Variants in ABCD2 observed in about 807,000 individuals in gnomAD.
ABCD2 encodes ATP binding cassette subfamily D member 2.
ABCD2 carries 36 observed loss-of-function variants against 70.9 expected under a neutral mutation model. The ratio of observed to expected loss-of-function variants is 0.51; its 90% CI spans 0.39 to 0.67. The LOEUF (loss-of-function observed/expected upper bound fraction) is 0.67, where lower values mean the gene tolerates loss of function less well. Among genes scored for constraint, ABCD2 ranks in the 30% least tolerant of loss-of-function variants. The pLI is 0.00. For missense variants in ABCD2, 729 were observed against 890.2 expected (o/e 0.82, Z 2.30); for synonymous variants, 304 against 306.9 (o/e 0.99, Z 0.10).
intron 3 of ABCD2, 34 bp downstream of exon 3, chr12:39,607,564 AT>A (rs780815747): frequency 1.3e-5 from 20 of 1,484,082 alleles, no homozygotes; most frequent in Non-Finnish European, 1.9e-5. Flanking sequence ...CATAAATTTT[AT>A]TTTAATTGAA....
chr12:39,607,659 A>G lies in ABCD2; in HGVS notation c.1176T>C (p.Ala392=). Residue 392 remains alanine (A), a synonymous_variant, in exon 3 of 10, where the codon GCT becomes GCC. Transcript: ENST00000308666. ...CAGCTCCAGAGGCCAGTAAATTTCG[A>G]GCAGTGGTAAAGGCTTCTGTCCGTT... is the stretch of plus-strand genomic sequence containing the variant. The part of the protein sequence containing the change: ...VSERTEAFTT[A]RNLLASGADA... 6.2e-7 allele frequency: 1 copy of G among 1,613,712 alleles called. No homozygotes were observed. Among genetic ancestry groups the G allele is most frequent in the Non-Finnish European group, 8.5e-7 (1 of 1,179,868 alleles).
the ABCD2 span, among the ~76,000 whole-genome samples, chr12:39,536,988 A>G: frequency 7.2e-4 from 109 of 151,966 alleles, no homozygotes; most frequent in East Asian, 0.015. Flanking sequence ...TCCATTACCA[A>G]ATGTGCCTAA....
chr12:39,602,127 T>TTTTATTTATTTATTTATTTA (rs78767678), intron 5 of ABCD2, among the ~76,000 whole-genome samples: 9 of 145,258 alleles, frequency 6.2e-5, no homozygotes, highest in African/African-American at 1.8e-4. Context: ...TTTTTAAAAA[T>TTTTATTTATTTATTTATTTA]TTTATTTATT....
chr12:39,578,368 G>C (rs560798601), intron 8 of ABCD2, among the ~76,000 whole-genome samples: 1 of 151,984 alleles, frequency 6.6e-6, no homozygotes, highest in East Asian at 2.0e-4. Flanking sequence ...CAGCTACTCA[G>C]GAGGCTGAGG....
chr12:39,601,361 C>T (rs1457841645), intron 5 of ABCD2, among the ~76,000 whole-genome samples: 1 of 151,250 alleles, frequency 6.6e-6, no homozygotes, highest in Non-Finnish European at 1.5e-5. Context: ...AATACATACA[C>T]ACATAGAATA....
At position 39,574,330 on chromosome 12, in the gene ABCD2, C is replaced by T. The variant is rs997109936; in HGVS notation, c.1878-489G>A. Among the ~76,000 whole-genome samples, 19 of 152,214 alleles carry T rather than the reference C, an allele frequency of 1.2e-4. No homozygotes were observed. In the East Asian group the frequency reaches 2.1e-3, roughly 17 times the overall value. On this transcript the variant is annotated intron_variant, in intron 8 of 9. Coordinates refer to ENST00000308666, the MANE Select transcript of ABCD2 (RefSeq NM_005164.4). ...ATGGAATTTCATCACTATAAGACTGCGAGAGTGAATGTGGCTCATCTTACA... is the reference window on the plus strand; with the variant it reads ...ATGGAATTTCATCACTATAAGACTGTGAGAGTGAATGTGGCTCATCTTACA...
At chr12:39,590,148 C>T (rs969554969) in intron 6 of ABCD2, among the ~76,000 whole-genome samples, 2 of 152,146 alleles carry the variant, frequency 1.3e-5, no homozygotes, top group Non-Finnish European at 2.9e-5. Flanking sequence ...CATTTTGAGT[C>T]AGTTCAAGTT....
At chr12:39,579,227 T>A (rs1462257533) in intron 8 of ABCD2, among the ~76,000 whole-genome samples, 1 of 152,192 alleles carries the variant, frequency 6.6e-6, no homozygotes, top group Non-Finnish European at 1.5e-5. Flanking sequence ...CCGGGCGTGG[T>A]GGCACACGCC....
the ABCD2 span, among the ~76,000 whole-genome samples, chr12:39,542,299 T>G: frequency 6.6e-6 from 1 of 151,832 alleles, no homozygotes; most frequent in Non-Finnish European, 1.5e-5. Flanking sequence ...CTATCTCTAC[T>G]AAAAATACAA....
At chr12:39,560,849 A>C (rs1941246295) in intron 9 of ABCD2, among the ~76,000 whole-genome samples, 1 of 152,160 alleles carries the variant, frequency 6.6e-6, no homozygotes. Context: ...ATGTTTAACT[A>C]TAAGATGTTT....
chr12:39,558,127 C>T (rs556464097), intron 9 of ABCD2, among the ~76,000 whole-genome samples: 2 of 152,290 alleles, frequency 1.3e-5, no homozygotes, highest in South Asian at 4.1e-4. Flanking sequence ...CTATGGGAGC[C>T]CAACTCTTGC....
rs1306727761 is a variant in ABCD2 at position 39,586,213 on chromosome 12, G to T, written c.1731C>A (p.Asp577Glu). Reference protein sequence around the residue: ...VDDMHDKGYTDQDLERILHNV... With the variant: ...VDDMHDKGYTEQDLERILHNV... ...TGTGTAGGATACGTTCCAGATCTTG[G>T]TCTGTATAACCTTTATCATGCATAT... The change falls in exon 7 of 10, where the codon GAC (aspartate) becomes GAA (glutamate). Residue 577 changes from aspartate to glutamate, a missense_variant. By Grantham distance (45) the Asp-to-Glu change is conservative. Coordinates refer to ENST00000308666, the MANE Select transcript of ABCD2 (RefSeq NM_005164.4). The T allele has an allele frequency of 1.2e-6, 2 of 1,613,490 alleles. No individual in the cohort carries two copies. Among genetic ancestry groups the T allele is most frequent in the Admixed American group, 3.3e-5 (2 of 59,968 alleles).
chr12:39,578,650 T>G (rs1169436163), intron 8 of ABCD2, among the ~76,000 whole-genome samples: 1 of 150,882 alleles, frequency 6.6e-6, no homozygotes, highest in Non-Finnish European at 1.5e-5. Context: ...ATCCTTAAAC[T>G]CAAAAGGCTA....
At chr12:39,555,812 A>G (rs764722727) in intron 9 of ABCD2, among the ~76,000 whole-genome samples, 5 of 152,076 alleles carry the variant, frequency 3.3e-5, no homozygotes, top group Non-Finnish European at 7.4e-5. Flanking sequence ...CCACGAACCA[A>G]CAAACTATAG....
chr12:39,593,820 A>G (rs1004788332), intron 6 of ABCD2, among the ~76,000 whole-genome samples: 3 of 152,224 alleles, frequency 2.0e-5, no homozygotes, highest in Admixed American at 2.0e-4. Flanking sequence ...TTTAAAATTA[A>G]GGGACTATTT....
chr12:39,589,091 C>T (rs190231236), intron 6 of ABCD2, among the ~76,000 whole-genome samples: 3 of 152,150 alleles, frequency 2.0e-5, no homozygotes, highest in East Asian at 1.9e-4. Flanking sequence ...TGTATGATTA[C>T]TGCAACTTGA....
At chr12:39,541,852 A>G in the ABCD2 span, among the ~76,000 whole-genome samples, 1 of 152,206 alleles carries the variant, frequency 6.6e-6, no homozygotes, top group East Asian at 1.9e-4. Context: ...ACATTAATGA[A>G]CTTCATGCAC....
the ABCD2 span, among the ~76,000 whole-genome samples, chr12:39,542,646 T>G: frequency 1.3e-5 from 2 of 151,968 alleles, no homozygotes; most frequent in African/African-American, 4.8e-5. Flanking sequence ...ATGAATAGGA[T>G]TTGATGGTGA....
intron 2 of ABCD2, among the ~76,000 whole-genome samples, chr12:39,608,477 A>G (rs766588554): frequency 8.5e-5 from 13 of 152,072 alleles, no homozygotes; most frequent in Non-Finnish European, 2.9e-5. Context: ...ACTTGAGACC[A>G]GGAGTTTGAG....
Sources: gnomAD v4.1 joint callset for allele counts (sites outside exome capture counted in the v4.1 genomes callset) on GRCh38, gnomAD v4.1.1 for gene constraint, MANE v1.5 for transcripts, NCBI Gene and HGNC (gene_info 2026-07-23, HGNC 2026-07-21) for gene names.